Variants in GRIP1 observed in about 807,000 individuals in gnomAD.
The protein encoded by GRIP1 is glutamate receptor interacting protein 1, also known as glutamate receptor-interacting protein 1.
In GRIP1, 45 loss-of-function variants were observed where a neutral mutation model predicts 129.9. The ratio of observed to expected loss-of-function variants is 0.35; its 90% confidence interval spans 0.27 to 0.44. GRIP1 has a LOEUF of 0.44. Ranked by LOEUF, GRIP1 falls within the 20% of genes least tolerant of loss-of-function variation. The pLI is 1.00. For missense variants in GRIP1, 1,196 were observed against 1,396.8 expected, an observed-to-expected ratio of 0.86 and a Z score of 2.29; for synonymous variants, 530 against 520.8, an observed-to-expected ratio of 1.02 and a Z score of -0.24.
At chr12:66,631,518 T>C (rs2030776414) in intron 1 of GRIP1, among the ~76,000 whole-genome samples, 1 of 152,242 alleles carries the variant, frequency 6.6e-6, no homozygotes, top group African/African-American at 2.4e-5. Flanking sequence ...TTGAGTATAA[T>C]AGCACTACTA....
At chr12:66,815,587 C>G (rs547197093) in intron 1 of GRIP1, among the ~76,000 whole-genome samples, 2 of 152,024 alleles carry the variant, frequency 1.3e-5, no homozygotes, top group South Asian at 4.2e-4. Context: ...ATAGTGAGAC[C>G]CCATCTCTAC....
At chr12:66,762,821 C>T (rs373648255) in intron 1 of GRIP1, among the ~76,000 whole-genome samples, 3 of 152,160 alleles carry the variant, frequency 2.0e-5, no homozygotes, top group South Asian at 2.1e-4. Flanking sequence ...GCAGTGGTTA[C>T]GCAGATTGAT....
At chr12:66,506,884 T>A (rs2138834638) in intron 7 of GRIP1, among the ~76,000 whole-genome samples, 1 of 151,878 alleles carries the variant, frequency 6.6e-6, no homozygotes, top group Admixed American at 6.6e-5. Flanking sequence ...AACCTTTTTT[T>A]TTCCTCTAAA....
chr12:66,707,588 A>T (rs1227187698), intron 1 of GRIP1, among the ~76,000 whole-genome samples: 1 of 151,058 alleles, frequency 6.6e-6, no homozygotes, highest in East Asian at 2.0e-4. Flanking sequence ...CTCTCCTAGC[A>T]CTTCAAGTAA....
intron 1 of GRIP1, among the ~76,000 whole-genome samples, chr12:66,603,159 C>T (rs1186176982): frequency 1.4e-5 from 2 of 140,340 alleles, no homozygotes; most frequent in East Asian, 3.9e-4. Context: ...CCACATCTGG[C>T]TTTCTTTTAC....
intron 1 of GRIP1, among the ~76,000 whole-genome samples, chr12:67,057,619 T>G (rs190000263): frequency 1.3e-5 from 2 of 152,102 alleles, no homozygotes. Context: ...TAATTTTATA[T>G]TACTGTGAGC....
At chr12:66,587,599 C>T (rs544162651) in intron 2 of GRIP1, among the ~76,000 whole-genome samples, 26 of 152,270 alleles carry the variant, frequency 1.7e-4, no homozygotes, top group African/African-American at 2.9e-4. Flanking sequence ...GACTGCTCAA[C>T]GAGTAACTGT....
chr12:66,808,984 T>TTGAG (rs1171566793), upstream of GRIP1, among the ~76,000 whole-genome samples: 1 of 152,228 alleles, frequency 6.6e-6, no homozygotes, highest in Non-Finnish European at 1.5e-5. Context: ...TGGTTATCAG[T>TTGAG]TGAGCTAAAT....
At chr12:66,769,224 A>AT (rs1212632263) in intron 1 of GRIP1, among the ~76,000 whole-genome samples, 4 of 123,802 alleles carry the variant, frequency 3.2e-5, no homozygotes, top group South Asian at 5.3e-4. Flanking sequence ...TCCAAATGGA[A>AT]ATTTTTTTTT....
At position 66,400,972 on chromosome 12, in the gene GRIP1, A is replaced by G. The variant is rs150989245; in HGVS notation, c.1984+5311T>C. ...GGATTATTTGCATTGCTGATTGGGTATTGGGGATTGGGTAGCAGCCTCAGG... is the reference window on the plus strand; with the variant it reads ...GGATTATTTGCATTGCTGATTGGGTGTTGGGGATTGGGTAGCAGCCTCAGG... On this transcript the variant is annotated intron_variant, in intron 16 of 24. Coordinates refer to ENST00000359742, the MANE Select transcript of GRIP1 (RefSeq NM_001366722.1). Among the ~76,000 whole-genome samples, 113 of 152,236 alleles carry G rather than the reference A, an allele frequency of 7.4e-4. No individual in the cohort carries two copies. In the East Asian group the frequency reaches 0.016, roughly 22 times the overall value.
At chr12:66,419,836 C>T (rs571227970) in intron 15 of GRIP1, among the ~76,000 whole-genome samples, 1 of 152,334 alleles carries the variant, frequency 6.6e-6, no homozygotes, top group South Asian at 2.1e-4. Flanking sequence ...CGGTTCACAC[C>T]TATAATCCCA....
At position 66,909,251 on chromosome 12, in the gene GRIP1, T is replaced by G. The variant is rs542460903; in HGVS notation, c.58+159799A>C. 9.2e-5 allele frequency among the ~76,000 whole-genome samples: 14 copies of G among 152,272 alleles called. No individual in the cohort carries two copies. In the East Asian group the frequency reaches 2.7e-3, roughly 29 times the overall value. On this transcript the variant is annotated intron_variant, in intron 1 of 1. Transcript: ENST00000643019. ...GCTCCTAGTACTTTCCTCACCTCTATCTCAAATGGCCTCTTTCACACCAAT... is the reference window on the plus strand; with the variant it reads ...GCTCCTAGTACTTTCCTCACCTCTAGCTCAAATGGCCTCTTTCACACCAAT...
intron 1 of GRIP1, among the ~76,000 whole-genome samples, chr12:66,891,376 A>C (rs1056675903): frequency 6.6e-6 from 1 of 152,156 alleles, no homozygotes; most frequent in Non-Finnish European, 1.5e-5. Flanking sequence ...CCCTGGGAAA[A>C]TGTTCATATC....
intron 1 of GRIP1, among the ~76,000 whole-genome samples, chr12:66,983,175 A>G (rs1351443553): frequency 6.6e-6 from 1 of 152,166 alleles, no homozygotes; most frequent in African/African-American, 2.4e-5. Context: ...TTCTCTTGAC[A>G]TTTTGTTACA....
At chr12:66,798,962 C>T (rs2038780508) in intron 1 of GRIP1, among the ~76,000 whole-genome samples, 1 of 152,098 alleles carries the variant, frequency 6.6e-6, no homozygotes, top group South Asian at 2.1e-4. Context: ...TAAATATCAT[C>T]AGAAGGCTCA....
chr12:66,477,325 T>C (rs554523702), intron 7 of GRIP1, among the ~76,000 whole-genome samples: 99 of 151,970 alleles, frequency 6.5e-4, no homozygotes, highest in African/African-American at 2.1e-3. Context: ...TTACAAGGGA[T>C]ATGAAGGACC....
intron 1 of GRIP1, among the ~76,000 whole-genome samples, chr12:66,729,186 C>T (rs1410295455): frequency 6.6e-6 from 1 of 151,934 alleles, no homozygotes; most frequent in Non-Finnish European, 1.5e-5. Context: ...CTGAGCCTAA[C>T]TAAAACATGC....
At chr12:67,035,919 T>C (rs1592497444) in intron 1 of GRIP1, among the ~76,000 whole-genome samples, 1 of 152,142 alleles carries the variant, frequency 6.6e-6, no homozygotes, top group East Asian at 1.9e-4. Flanking sequence ...TGAGGAAAAA[T>C]GCTACACCCT....
intron 1 of GRIP1, among the ~76,000 whole-genome samples, chr12:66,940,925 ATATTT>A (rs2041574111): frequency 6.6e-6 from 1 of 152,168 alleles, no homozygotes; most frequent in African/African-American, 2.4e-5. Context: ...TAAATTTAAT[ATATTT>A]TATTTAGTAA....
Sources: gnomAD v4.1 joint callset for allele counts (sites outside exome capture counted in the v4.1 genomes callset) on GRCh38, gnomAD v4.1.1 for gene constraint, MANE v1.5 for transcripts, NCBI Gene and HGNC (gene_info 2026-07-23, HGNC 2026-07-21) for gene names.